ADGRL3: variants seen among roughly 807,000 people sequenced by gnomAD.
The protein encoded by ADGRL3 is adhesion G protein-coupled receptor L3.
ADGRL3 carries 62 observed loss-of-function variants against 153.5 expected under a neutral mutation model. The observed-to-expected ratio is 0.40, with a 90% CI of 0.33 to 0.50. The LOEUF (loss-of-function observed/expected upper bound fraction) is 0.50. Among genes scored for constraint, ADGRL3 ranks in the 20% least tolerant of loss-of-function variants. The probability of loss-of-function intolerance (pLI) is 0.47; values close to 1 mark genes in which losing one functional copy is unlikely to be tolerated. For missense variants in ADGRL3, 1,641 were observed against 1,859.4 expected (o/e 0.88, Z 2.16); for synonymous variants, 710 against 672.5 (o/e 1.06, Z -0.86).
At chr4:61,919,851 C>T (rs1382396164) in intron 13 of ADGRL3, among the ~76,000 whole-genome samples, 1 of 152,168 alleles carries the variant, frequency 6.6e-6, no homozygotes, top group Non-Finnish European at 1.5e-5. Flanking sequence ...ATTTCTGCCT[C>T]CTCCATTTTG....
At chr4:61,649,873 C>T (rs977862055) in intron 5 of ADGRL3, among the ~76,000 whole-genome samples, 3 of 152,092 alleles carry the variant, frequency 2.0e-5, no homozygotes, top group Non-Finnish European at 2.9e-5. Flanking sequence ...TAACAACCCA[C>T]TTTGCTTTTT....
intron 24 of ADGRL3, among the ~76,000 whole-genome samples, chr4:62,039,322 A>G (rs1487425551): frequency 6.6e-6 from 1 of 152,182 alleles, no homozygotes; most frequent in Non-Finnish European, 1.5e-5. Flanking sequence ...TTATAAATTA[A>G]TGGATGACCA....
intron 1 of ADGRL3, among the ~76,000 whole-genome samples, chr4:61,332,258 A>G (rs1053190213): frequency 2.6e-5 from 4 of 152,154 alleles, no homozygotes; most frequent in Admixed American, 2.0e-4. Flanking sequence ...CTGTGTTACT[A>G]TTAACAATGC....
At chr4:61,452,115 C>A (rs972608505) in intron 2 of ADGRL3, among the ~76,000 whole-genome samples, 2 of 152,138 alleles carry the variant, frequency 1.3e-5, no homozygotes, top group African/African-American at 4.8e-5. Context: ...AATAACTCTG[C>A]ATGAATGTCC....
chr4:61,247,292 G>A (rs1426252504), intron 1 of ADGRL3, among the ~76,000 whole-genome samples: 1 of 152,042 alleles, frequency 6.6e-6, no homozygotes, highest in African/African-American at 2.4e-5. Flanking sequence ...TTGCAATTCA[G>A]AGAGTGTTTT....
At chr4:61,281,675 A>G (rs1002497283) in intron 1 of ADGRL3, among the ~76,000 whole-genome samples, 51 of 152,216 alleles carry the variant, frequency 3.4e-4, no homozygotes, top group African/African-American at 1.2e-3. Context: ...AGGGCAAAGT[A>G]AATCAGTAGA....
At chr4:61,244,219 T>C (rs1290137127) in intron 1 of ADGRL3, among the ~76,000 whole-genome samples, 1 of 152,036 alleles carries the variant, frequency 6.6e-6, no homozygotes, top group Non-Finnish European at 1.5e-5. Context: ...GTTTTACTGG[T>C]AAGAAAAACA....
At chr4:61,793,349 A>G (rs1449508774) in intron 8 of ADGRL3, among the ~76,000 whole-genome samples, 1 of 152,142 alleles carries the variant, frequency 6.6e-6, no homozygotes, top group Non-Finnish European at 1.5e-5. Flanking sequence ...GTGTGAACCC[A>G]GGAGGCAGAG....
At chr4:61,908,046 A>G (rs773970200) in intron 11 of ADGRL3, among the ~76,000 whole-genome samples, 2 of 152,126 alleles carry the variant, frequency 1.3e-5, no homozygotes, top group Non-Finnish European at 2.9e-5. Flanking sequence ...GCTAACAACT[A>G]TACTCTCAGT....
intron 25 of ADGRL3, among the ~76,000 whole-genome samples, chr4:62,065,415 A>G (rs1034330869): frequency 1.3e-5 from 2 of 152,068 alleles, no homozygotes; most frequent in African/African-American, 4.8e-5. Context: ...TGGCAGAACA[A>G]TTAAGTAAAC....
At chr4:61,418,257 C>T (rs1003005211) in intron 2 of ADGRL3, among the ~76,000 whole-genome samples, 10 of 152,154 alleles carry the variant, frequency 6.6e-5, no homozygotes, top group Non-Finnish European at 8.8e-5. Context: ...AGTAGAAGCG[C>T]AATTTCTCTT....
At chr4:61,799,434 C>A (rs1200585016) in intron 8 of ADGRL3, among the ~76,000 whole-genome samples, 1 of 152,002 alleles carries the variant, frequency 6.6e-6, no homozygotes, top group Non-Finnish European at 1.5e-5. Flanking sequence ...ATAACTACTT[C>A]TGTATGTTTT....
intron 23 of ADGRL3, among the ~76,000 whole-genome samples, chr4:62,033,017 C>A (rs942363133): frequency 1.3e-5 from 2 of 151,356 alleles, no homozygotes; most frequent in African/African-American, 4.8e-5. Flanking sequence ...ATAGATGAAC[C>A]CTCCAAATAA....
intron 2 of ADGRL3, among the ~76,000 whole-genome samples, chr4:61,485,127 G>A (rs1035541336): frequency 6.6e-6 from 1 of 152,076 alleles, no homozygotes; most frequent in Admixed American, 6.6e-5. Flanking sequence ...TCTATAATGG[G>A]CCATTAAGAA....
At chr4:61,457,211 A>G (rs920094797) in intron 2 of ADGRL3, among the ~76,000 whole-genome samples, 2 of 152,032 alleles carry the variant, frequency 1.3e-5, no homozygotes, top group African/African-American at 4.8e-5. Context: ...CATGTAAAAT[A>G]GAGTTATTTA....
chr4:61,538,143 T>A (rs903732342), intron 4 of ADGRL3, among the ~76,000 whole-genome samples: 1 of 152,112 alleles, frequency 6.6e-6, no homozygotes, highest in Non-Finnish European at 1.5e-5. Context: ...AATAAAAAAA[T>A]AAAATAAAAT....
intron 23 of ADGRL3, among the ~76,000 whole-genome samples, chr4:62,033,024 A>G (rs1722987319): frequency 6.6e-6 from 1 of 151,804 alleles, no homozygotes; most frequent in Non-Finnish European, 1.5e-5. Context: ...AACCCTCCAA[A>G]TAATTAATAT....
intron 8 of ADGRL3, among the ~76,000 whole-genome samples, chr4:61,797,631 T>C (rs2097430592): frequency 6.6e-6 from 1 of 152,190 alleles, no homozygotes; most frequent in Non-Finnish European, 1.5e-5. Flanking sequence ...TTACCTTTTA[T>C]AACAGTTTAT....
intron 1 of ADGRL3, among the ~76,000 whole-genome samples, chr4:61,359,253 A>G (rs1189039732): frequency 2.0e-5 from 3 of 152,182 alleles, no homozygotes; most frequent in Non-Finnish European, 2.9e-5. Flanking sequence ...CTGGCTGCCT[A>G]TAATCTATTC....
Sources: gnomAD v4.1 joint callset for allele counts (sites outside exome capture counted in the v4.1 genomes callset) on GRCh38, gnomAD v4.1.1 for gene constraint, MANE v1.5 for transcripts, NCBI Gene and HGNC (gene_info 2026-07-23, HGNC 2026-07-21) for gene names.